Variants in ERC1 observed in about 807,000 individuals in gnomAD.
ERC1 encodes RAB6 interacting protein 2.
Under a neutral mutation model 132.0 loss-of-function variants are expected in ERC1, and 56 were observed. The observed-to-expected ratio is 0.42, with a 90% CI of 0.34 to 0.53. ERC1 has a LOEUF of 0.53. Ranked by LOEUF, ERC1 falls within the 20% of genes least tolerant of loss-of-function variation. The pLI, the probability that ERC1 is intolerant of heterozygous loss-of-function variation, is 0.03. For synonymous variants in ERC1, 478 were observed against 476.1 expected (o/e 1.00, Z -0.05); for missense variants, 1,202 against 1,349.9 (o/e 0.89, Z 1.72).
At chr12:1,039,203 G>C (rs1044038748) in intron 2 of ERC1, among the ~76,000 whole-genome samples, 1 of 151,942 alleles carries the variant, frequency 6.6e-6, no homozygotes, top group African/African-American at 2.4e-5. Context: ...TGGGCGTGGT[G>C]GTGGGCGCCT....
chr12:1,049,934 G>A (rs1971654112), intron 2 of ERC1, among the ~76,000 whole-genome samples: 1 of 151,944 alleles, frequency 6.6e-6, no homozygotes, highest in Non-Finnish European at 1.5e-5. Flanking sequence ...GTAGAGACAG[G>A]GTTTTACCAT....
chr12:1,236,703 C>G, intron 12 of ERC1, 66 bp from the exon 13 acceptor site: 1 of 1,486,736 alleles, frequency 6.7e-7, no homozygotes, highest in Middle Eastern at 2.0e-4. Flanking sequence ...GTGTAAGTCT[C>G]TAGATAAACA....
chr12:1,338,079 C>T (rs2083463171), intron 15 of ERC1, among the ~76,000 whole-genome samples: 1 of 152,162 alleles, frequency 6.6e-6, no homozygotes, highest in East Asian at 1.9e-4. Flanking sequence ...GCATATTAGT[C>T]TCTCTAGCTA....
At chr12:1,329,670 C>G (rs946765171) in intron 15 of ERC1, among the ~76,000 whole-genome samples, 1 of 152,130 alleles carries the variant, frequency 6.6e-6, no homozygotes, top group Admixed American at 6.5e-5. Context: ...TCTTCTAGAT[C>G]TTACCTAGCT....
rs143004737 is a variant in ERC1 at position 1,038,592 on chromosome 12, C to T, written c.669+10020C>T. 4.3e-4 allele frequency among the ~76,000 whole-genome samples: 66 copies of T among 152,272 alleles called. 1 individual carries two copies. Among genetic ancestry groups the T allele is most frequent in the Middle Eastern group, 6.8e-3 (2 of 294 alleles). ...GCCAGACTGGTCTTGAATTCCTGACCTGGTGATCTACCTGCTTCGGCCTCC... is the reference window on the plus strand; with the variant it reads ...GCCAGACTGGTCTTGAATTCCTGACTTGGTGATCTACCTGCTTCGGCCTCC... On this transcript the variant is annotated intron_variant, in intron 2 of 18. Transcript: ENST00000360905.
At chr12:1,363,092 A>G (rs1478498377) in intron 15 of ERC1, among the ~76,000 whole-genome samples, 1 of 152,146 alleles carries the variant, frequency 6.6e-6, no homozygotes, top group Non-Finnish European at 1.5e-5. Context: ...GTCACTCGCC[A>G]TTTCCCACTG....
At chr12:1,331,809 C>G (rs2082884665) in intron 15 of ERC1, among the ~76,000 whole-genome samples, 1 of 152,128 alleles carries the variant, frequency 6.6e-6, no homozygotes, top group Non-Finnish European at 1.5e-5. Context: ...AGCTCTGTTC[C>G]ATTTATGCAC....
chr12:1,313,581 A>G (rs1232557964), intron 15 of ERC1, among the ~76,000 whole-genome samples: 2 of 152,158 alleles, frequency 1.3e-5, no homozygotes, highest in Non-Finnish European at 2.9e-5. Flanking sequence ...CACCTCCCAT[A>G]TGTAAATCAA....
At chr12:1,484,668 C>T (rs1464993055) in intron 18 of ERC1, among the ~76,000 whole-genome samples, 1 of 151,580 alleles carries the variant, frequency 6.6e-6, no homozygotes. Context: ...AGCTCCGCCT[C>T]CCGGGCTCAA....
intron 2 of ERC1, among the ~76,000 whole-genome samples, chr12:1,055,604 C>T (rs1036566686): frequency 6.6e-6 from 1 of 152,110 alleles, no homozygotes; most frequent in African/African-American, 2.4e-5. Context: ...GGAAGATGCT[C>T]ATAATATTTT....
chr12:1,040,295 T>G (rs1383934386), intron 2 of ERC1, among the ~76,000 whole-genome samples: 2 of 151,956 alleles, frequency 1.3e-5, no homozygotes, highest in Admixed American at 1.3e-4. Flanking sequence ...CTAAAAATAC[T>G]CATTTTTCTT....
At chr12:1,182,642 T>C (rs1954606894) in intron 10 of ERC1, among the ~76,000 whole-genome samples, 2 of 150,622 alleles carry the variant, frequency 1.3e-5, no homozygotes, top group African/African-American at 5.0e-5. Context: ...AATTTTTCTT[T>C]TAATAGGGAA....
intron 13 of ERC1, among the ~76,000 whole-genome samples, chr12:1,259,302 T>C (rs2076997320): frequency 6.6e-6 from 1 of 152,138 alleles, no homozygotes; most frequent in Non-Finnish European, 1.5e-5. Flanking sequence ...ATTTGGGCGT[T>C]GTCTGTTGAC....
At chr12:1,301,435 A>C (rs1486082203) in intron 15 of ERC1, among the ~76,000 whole-genome samples, 2 of 152,222 alleles carry the variant, frequency 1.3e-5, no homozygotes, top group African/African-American at 2.4e-5. Flanking sequence ...TCAGTGGTGG[A>C]CTGGATAAAG....
intron 8 of ERC1, among the ~76,000 whole-genome samples, chr12:1,146,684 T>TA (rs1392164356): frequency 4.0e-5 from 6 of 151,892 alleles, no homozygotes; most frequent in Non-Finnish European, 7.4e-5. Flanking sequence ...GCAGGTTTGT[T>TA]ACATACGTAT....
At chr12:1,264,925 G>A (rs2077383614) in intron 14 of ERC1, among the ~76,000 whole-genome samples, 1 of 152,164 alleles carries the variant, frequency 6.6e-6, no homozygotes, top group African/African-American at 2.4e-5. Context: ...TCCCTTCATA[G>A]CTGTGTGAGA....
intron 7 of ERC1, among the ~76,000 whole-genome samples, chr12:1,118,858 G>T (rs1387300136): frequency 6.6e-6 from 1 of 152,128 alleles, no homozygotes; most frequent in Non-Finnish European, 1.5e-5. Flanking sequence ...AGAACATGGA[G>T]CATGGAGTTT....
chr12:991,136 G>A (rs886629196), upstream of ERC1: 3 of 151,510 alleles, frequency 2.0e-5, no homozygotes, highest in Admixed American at 6.6e-5. Context: ...CAGCCGAGCC[G>A]GGAGCCCGGG....
At chr12:1,196,952 ACACACACACAT>A in intron 12 of ERC1, among the ~76,000 whole-genome samples, 1 of 44,084 alleles carries the variant, frequency 2.3e-5, no homozygotes, top group South Asian at 5.9e-4. Context: ...ACACACACAC[ACACACACACAT>A]ATATATATAT....
Sources: gnomAD v4.1 joint callset for allele counts (sites outside exome capture counted in the v4.1 genomes callset) on GRCh38, gnomAD v4.1.1 for gene constraint, MANE v1.5 for transcripts, NCBI Gene and HGNC (gene_info 2026-07-23, HGNC 2026-07-21) for gene names.